Variants in ANK3 observed in about 807,000 individuals in gnomAD.
ANK3 encodes the protein ankyrin-3.
ANK3 carries 57 observed loss-of-function variants against 370.9 expected under a neutral mutation model. That is an observed-to-expected ratio of 0.15 (90% CI 0.12 to 0.19). The LOEUF (loss-of-function observed/expected upper bound fraction) is 0.19. Among genes scored for constraint, ANK3 ranks in the 10% least tolerant of loss-of-function variants. The pLI, the probability that ANK3 is intolerant of heterozygous loss-of-function variation, is 1.00. For missense variants in ANK3, 4,439 were observed against 5,302.1 expected, an observed-to-expected ratio of 0.84 and a Z score of 5.06; for synonymous variants, 1,929 against 1,946.3, an observed-to-expected ratio of 0.99 and a Z score of 0.23.
chr10:60,108,805 G>A (rs919382263), intron 27 of ANK3, 25 bp downstream of exon 27: 23 of 1,600,896 alleles, frequency 1.4e-5, no homozygotes, highest in Non-Finnish European at 1.9e-5. Flanking sequence ...TGAGGGCCAA[G>A]GTTAAAATTG....
chr10:60,680,000 T>C (rs1176054809), intron 1 of ANK3, among the ~76,000 whole-genome samples: 1 of 151,646 alleles, frequency 6.6e-6, no homozygotes, highest in East Asian at 1.9e-4. Context: ...CCAGGCGTGG[T>C]GGTGGGCACC....
At chr10:60,264,562 G>T (rs1462892217) in intron 5 of ANK3, among the ~76,000 whole-genome samples, 1 of 151,198 alleles carries the variant, frequency 6.6e-6, no homozygotes, top group African/African-American at 2.4e-5. Flanking sequence ...GGAATAGCTT[G>T]AATCTGGGAG....
chr10:60,471,330 T>C (rs1326684157), intron 2 of ANK3, among the ~76,000 whole-genome samples: 1 of 152,176 alleles, frequency 6.6e-6, no homozygotes, highest in East Asian at 1.9e-4. Flanking sequence ...TCTGTGTGTA[T>C]TACCTTTTTG....
At chr10:60,501,581 T>C (rs984128629) in intron 2 of ANK3, among the ~76,000 whole-genome samples, 16 of 151,460 alleles carry the variant, frequency 1.1e-4, no homozygotes, top group Non-Finnish European at 2.2e-4. Flanking sequence ...GGTGCACACC[T>C]GTAATGCCAG....
At chr10:60,395,550 CTCTTTCTTTCTT>C (rs58204421) in intron 2 of ANK3, among the ~76,000 whole-genome samples, 3,402 of 108,380 alleles carry the variant, frequency 0.031, 70 homozygotes, top group Admixed American at 0.047. Context: ...ACTACTATGC[CTCTTTCTTTCTT>C]TCTTTCTTTC....
chr10:60,111,286 G>C (rs182205572), intron 26 of ANK3, among the ~76,000 whole-genome samples: 1 of 152,144 alleles, frequency 6.6e-6, no homozygotes, highest in Admixed American at 6.5e-5. Flanking sequence ...CTTTCTCTGT[G>C]TTCTGTATAG....
At chr10:60,684,561 A>G (rs1001263612) in intron 1 of ANK3, 4 of 1,586,194 alleles carry the variant, frequency 2.5e-6, no homozygotes, top group Admixed American at 3.4e-5. Context: ...CTTCATTTCA[A>G]TCCTTCCACA....
At chr10:60,079,174 TACACACACACACACACACACAC>T (rs58239281) in intron 36 of ANK3, among the ~76,000 whole-genome samples, 10 of 113,768 alleles carry the variant, frequency 8.8e-5, no homozygotes, top group Non-Finnish European at 1.4e-4. Flanking sequence ...GCTACCTAGC[TACACACACACACACACACACAC>T]ACACACACAC....
chr10:60,409,891 T>C (rs1168956268), intron 2 of ANK3, among the ~76,000 whole-genome samples: 1 of 152,178 alleles, frequency 6.6e-6, no homozygotes, highest in East Asian at 1.9e-4. Context: ...CACCATCTTC[T>C]GCCACCTCCC....
chr10:60,423,807 G>GT, intron 2 of ANK3, among the ~76,000 whole-genome samples: 1 of 151,940 alleles, frequency 6.6e-6, no homozygotes, highest in Non-Finnish European at 1.5e-5. Context: ...TTTATACACT[G>GT]ATCTAAATTT....
intron 1 of ANK3, among the ~76,000 whole-genome samples, chr10:60,686,102 A>G (rs1652827680): frequency 6.6e-6 from 1 of 152,146 alleles, no homozygotes; most frequent in Admixed American, 6.5e-5. Flanking sequence ...GAACAAGAAT[A>G]GGTAAGATAA....
intron 2 of ANK3, among the ~76,000 whole-genome samples, chr10:60,518,056 G>A (rs1429482263): frequency 6.6e-6 from 1 of 152,140 alleles, no homozygotes; most frequent in Non-Finnish European, 1.5e-5. Flanking sequence ...GCCCTGAACA[G>A]CAGAAATACT....
At position 60,027,378 on chromosome 10, in the gene ANK3, T is replaced by A. The variant is rs2072459056; in HGVS notation, c.*2468A>T. ...ATTTTGGTGCAAGGGTAGTGGCACA[T>A]TTTATTTATTTGGGATACCATGCAG... is the stretch of plus-strand genomic sequence containing the variant. On this transcript the variant is annotated 3_prime_UTR_variant, in exon 44 of 44. Coordinates refer to ENST00000280772, the MANE Select transcript of ANK3 (RefSeq NM_020987.5). 6.6e-6 allele frequency: 1 copy of A among 151,256 alleles called. No homozygotes were observed. Among genetic ancestry groups the A allele is most frequent in the African/African-American group, 2.4e-5 (1 of 41,152 alleles). 9.4% of individuals were successfully genotyped at this position (151,256 alleles called of 1,614,324 possible).
intron 1 of ANK3, among the ~76,000 whole-genome samples, chr10:60,674,571 A>G (rs1364633525): frequency 6.6e-6 from 1 of 152,342 alleles, no homozygotes; most frequent in East Asian, 1.9e-4. Flanking sequence ...TACCTCCCAC[A>G]CAGCCCCACC....
At chr10:60,066,784 A>C (rs1326241131) in intron 38 of ANK3, among the ~76,000 whole-genome samples, 1 of 152,206 alleles carries the variant, frequency 6.6e-6, no homozygotes, top group Non-Finnish European at 1.5e-5. Context: ...CCATGCATTA[A>C]AAAATACACT....
chr10:60,114,334 G>GA lies in ANK3; in HGVS notation c.2842-4dup, dbSNP rs1254977408. 5 of 1,558,174 alleles carry GA rather than the reference G, an allele frequency of 3.2e-6. No homozygotes were observed. The highest frequency in any genetic ancestry group is 4.4e-6 in the Non-Finnish European group (5 of 1,137,704). On this transcript the variant is annotated splice_region_variant and splice_polypyrimidine_tract_variant and intron_variant, in intron 25 of 43. Transcript: ENST00000280772. ...AATTCCCTTGTGAATGTTAGATGCT[G>GA]AAAAATAAAATGGTAAATTAAATTA...
rs1477180899 is a variant in ANK3 at position 60,452,121 on chromosome 10, C to T, written c.96+163065G>A. On this transcript the variant is annotated intron_variant, in intron 2 of 43. Coordinates refer to the ANK3 transcript ENST00000373827. ...TTACATTTCTAGACATCCCCATGACCCTAGGGGTAAGAAAGGAGACATCCA... is the reference window on the plus strand; with the variant it reads ...TTACATTTCTAGACATCCCCATGACTCTAGGGGTAAGAAAGGAGACATCCA... 2.0e-5 allele frequency among the ~76,000 whole-genome samples: 3 copies of T among 152,170 alleles called. No individual in the cohort carries two copies. The East Asian group carries it at 5.8e-4, about 29-fold the overall frequency.
chr10:60,284,896 T>C (rs2098222168), intron 1 of ANK3, among the ~76,000 whole-genome samples: 1 of 152,138 alleles, frequency 6.6e-6, no homozygotes. Flanking sequence ...CTGTGAGCCA[T>C]GTGAAGGGTC....
chr10:60,133,498 A>G (rs1269831535), intron 25 of ANK3, among the ~76,000 whole-genome samples: 1 of 152,258 alleles, frequency 6.6e-6, no homozygotes, highest in Non-Finnish European at 1.5e-5. Flanking sequence ...AAAGCAAAAT[A>G]CTATCACATC....
Sources: gnomAD v4.1 joint callset for allele counts (sites outside exome capture counted in the v4.1 genomes callset) on GRCh38, gnomAD v4.1.1 for gene constraint, MANE v1.5 for transcripts, NCBI Gene and HGNC (gene_info 2026-07-23, HGNC 2026-07-21) for gene names.